The following KIAA0825 variants were observed in gnomAD, a reference collection of about 807,000 sequenced individuals.
KIAA0825 encodes KIAA0825, also known as uncharacterized protein KIAA0825.
In KIAA0825, 119 loss-of-function variants were observed where a neutral mutation model predicts 147.6. That is an observed-to-expected ratio of 0.81 (90% CI 0.69 to 0.94). The LOEUF (loss-of-function observed/expected upper bound fraction) is 0.94. Among genes scored for constraint, KIAA0825 ranks in the 40% least tolerant of loss-of-function variants. The pLI is 0.00. For missense variants in KIAA0825, 1,381 were observed against 1,472.7 expected, an observed-to-expected ratio of 0.94 and a Z score of 1.02; for synonymous variants, 470 against 518.1, an observed-to-expected ratio of 0.91 and a Z score of 1.26.
chr5:94,503,937 G>C (rs1027235415), intron 5 of KIAA0825, among the ~76,000 whole-genome samples: 2 of 152,186 alleles, frequency 1.3e-5, no homozygotes, highest in African/African-American at 4.8e-5. Context: ...CACTGAAAGA[G>C]CATGCTGCAG....
chr5:94,566,336 T>C (rs1778707896), intron 2 of KIAA0825, among the ~76,000 whole-genome samples: 1 of 152,166 alleles, frequency 6.6e-6, no homozygotes, highest in Admixed American at 6.5e-5. Flanking sequence ...ATCAGGACTT[T>C]TTTGAGATTA....
chr5:94,494,329 T>C (rs535623412), intron 5 of KIAA0825, among the ~76,000 whole-genome samples: 1 of 148,382 alleles, frequency 6.7e-6, no homozygotes, highest in African/African-American at 2.5e-5. Flanking sequence ...TTTTTTTTTT[T>C]TTTTTTTTTG....
chr5:94,603,402 C>T (rs940686651), intron 1 of KIAA0825, among the ~76,000 whole-genome samples: 37 of 152,108 alleles, frequency 2.4e-4, no homozygotes, highest in Non-Finnish European at 2.9e-5. Context: ...ACCATACCTG[C>T]CTTACAAGAG....
intron 2 of KIAA0825, among the ~76,000 whole-genome samples, chr5:94,550,700 G>A (rs1775351228): frequency 6.6e-6 from 1 of 152,080 alleles, no homozygotes. Context: ...AAATTAGCCA[G>A]GCATGGTGGC....
intron 12 of KIAA0825, among the ~76,000 whole-genome samples, chr5:94,460,418 G>A (rs561449599): frequency 1.8e-4 from 28 of 152,120 alleles, no homozygotes; most frequent in African/African-American, 6.0e-4. Context: ...CAGGGATTTC[G>A]TGGTCCTACG....
At chr5:94,506,299 C>T (rs867189544) in intron 5 of KIAA0825, among the ~76,000 whole-genome samples, 1 of 152,152 alleles carries the variant, frequency 6.6e-6, no homozygotes, top group African/African-American at 2.4e-5. Flanking sequence ...AACATAAATA[C>T]AGGTTAGCTA....
chr5:94,202,169 G>A (rs901593100), intron 20 of KIAA0825, among the ~76,000 whole-genome samples: 3 of 152,196 alleles, frequency 2.0e-5, no homozygotes, highest in Non-Finnish European at 4.4e-5. Flanking sequence ...AAGAATATTT[G>A]GTCAGTGGGC....
rs1284635071 is a variant in KIAA0825, at chr5:94,436,738, T to TGTGAA, written c.2497+3243_2497+3244insTTCAC. On this transcript the variant is annotated intron_variant, in intron 14 of 20. Transcript: ENST00000682413. Reference sequence around the variant, plus strand: ...GTGTGTCCATTTTCACAATATTGATTCTTCCTTTCCATGAGCATGAAATGT... The same window carrying TGTGAA: ...GTGTGTCCATTTTCACAATATTGATTGTGAACTTCCTTTCCATGAGCATGAAATGT... 8.5e-5 allele frequency among the ~76,000 whole-genome samples: 13 copies of TGTGAA among 152,346 alleles called. No homozygotes were observed. The South Asian group carries it at 2.7e-3, about 32-fold the overall frequency.
At chr5:94,541,833 A>G (rs1372093597) in intron 2 of KIAA0825, among the ~76,000 whole-genome samples, 1 of 152,278 alleles carries the variant, frequency 6.6e-6, no homozygotes, top group Non-Finnish European at 1.5e-5. Flanking sequence ...AAAGTCATAC[A>G]GGAAGCATTA....
intron 3 of KIAA0825, among the ~76,000 whole-genome samples, chr5:94,528,831 G>A (rs1358236046): frequency 6.6e-6 from 1 of 150,814 alleles, no homozygotes; most frequent in Non-Finnish European, 1.5e-5. Context: ...AGGAATTTCA[G>A]CACAATTTAA....
chr5:94,487,240 C>T (rs1489391319), intron 5 of KIAA0825, among the ~76,000 whole-genome samples: 12 of 152,136 alleles, frequency 7.9e-5, no homozygotes, highest in African/African-American at 2.9e-4. Context: ...TGTAAGAGGA[C>T]AGAATGAAAT....
At chr5:94,611,315 A>G (rs1222273019) in intron 1 of KIAA0825, among the ~76,000 whole-genome samples, 1 of 152,098 alleles carries the variant, frequency 6.6e-6, no homozygotes, top group Admixed American at 6.6e-5. Context: ...CTCGTGTATG[A>G]TAGTTAATCT....
chr5:94,560,458 A>G (rs1777348426), intron 2 of KIAA0825, among the ~76,000 whole-genome samples: 2 of 152,176 alleles, frequency 1.3e-5, no homozygotes, highest in Non-Finnish European at 2.9e-5. Context: ...TAAATCAAGT[A>G]TCAGCAAACT....
chr5:94,198,668 T>C (rs1011364069), intron 20 of KIAA0825, among the ~76,000 whole-genome samples: 1 of 152,074 alleles, frequency 6.6e-6, no homozygotes, highest in African/African-American at 2.4e-5. Flanking sequence ...AAAACCTAGA[T>C]GATGGGTTGA....
Position 94,520,540 on chromosome 5 carries a change from G to C in KIAA0825, c.678C>G (p.Asn226Lys). The change falls in exon 5 of 21, where the codon AAC becomes AAG. Residue 226 changes from asparagine to lysine, a missense_variant. Transcript: ENST00000682413. ...QNKLLANLLWNCFPSYNRDSN... is the reference protein window; with the variant it reads ...QNKLLANLLWKCFPSYNRDSN... ...AATCTCTGTTGTAAGAAGGAAAGCA[G>C]TTCCACAGAAGATTAGCCAACAGTT... The C allele has an allele frequency of 6.2e-7, 1 of 1,613,220 alleles. No individual in the cohort carries two copies. Among genetic ancestry groups the C allele is most frequent in the South Asian group, 1.1e-5 (1 of 91,064 alleles).
chr5:94,530,712 G>A (rs886936987), intron 3 of KIAA0825, among the ~76,000 whole-genome samples: 2 of 152,090 alleles, frequency 1.3e-5, no homozygotes, highest in African/African-American at 4.8e-5. Flanking sequence ...AAGATGAGCC[G>A]GCCACAGCAG....
At chr5:94,337,813 G>A (rs879599151) in intron 20 of KIAA0825, among the ~76,000 whole-genome samples, 10 of 152,180 alleles carry the variant, frequency 6.6e-5, no homozygotes, top group African/African-American at 1.2e-4. Context: ...GCTCATGCAG[G>A]AGTTGTAGGC....
intron 20 of KIAA0825, among the ~76,000 whole-genome samples, chr5:94,209,709 C>T (rs908934564): frequency 6.6e-6 from 1 of 152,258 alleles, no homozygotes; most frequent in South Asian, 2.1e-4. Context: ...GTAGACATCA[C>T]ATACTTGATT....
intron 14 of KIAA0825, among the ~76,000 whole-genome samples, chr5:94,437,795 T>G (rs1756562772): frequency 6.6e-6 from 1 of 152,182 alleles, no homozygotes; most frequent in African/African-American, 2.4e-5. Flanking sequence ...AAAGATCACA[T>G]GAAAGTAACT....
Sources: gnomAD v4.1 joint callset for allele counts (sites outside exome capture counted in the v4.1 genomes callset) on GRCh38, gnomAD v4.1.1 for gene constraint, MANE v1.5 for transcripts, NCBI Gene and HGNC (gene_info 2026-07-23, HGNC 2026-07-21) for gene names.